The following RAD9B variants were observed in gnomAD, a reference collection of about 807,000 sequenced individuals.
The protein encoded by RAD9B is cell cycle checkpoint control protein RAD9B.
In RAD9B, 41 loss-of-function variants were observed where a neutral mutation model predicts 48.3. The ratio of observed to expected loss-of-function variants is 0.85; its 90% confidence interval spans 0.66 to 1.10. The LOEUF is 1.10. RAD9B is among the 50% of genes least tolerant of loss of function. RAD9B has a pLI of 0.00. For missense variants in RAD9B, 444 were observed against 485.1 expected (o/e 0.92, Z 0.80); for synonymous variants, 160 against 157.9 (o/e 1.01, Z -0.10).
Position 110,532,924 on chromosome 12 carries a change from C to G in RAD9B, c.*2271C>G, listed in dbSNP as rs2064175457. Among the ~76,000 whole-genome samples, 1 of 152,202 alleles carries G rather than the reference C, an allele frequency of 6.6e-6. No homozygotes were observed. The highest frequency in any genetic ancestry group is 1.5e-5 in the Non-Finnish European group (1 of 68,042). ...ATGAAATTGCTAAGGATGCATCTGT[C>G]AGAACATCTCTGTTAAACAACACGA... On this transcript the variant is annotated 3_prime_UTR_variant, in exon 11 of 11. Transcript: ENST00000409300.
In RAD9B at chr12:110,522,299, T is replaced by C; in HGVS notation, c.1013T>C (p.Leu338Ser). The change falls in exon 10 of 11, where the codon TTG (leucine) becomes TCG (serine). Residue 338 changes from leucine (L) to serine (S), a missense_variant. Leu to Ser is a moderately radical substitution (Grantham distance 145). Coordinates refer to ENST00000409300, the MANE Select transcript of RAD9B (RefSeq NM_001286535.2). ...GAGACTCTCACAAACATATCTGCATTGGAAAACTGTGGCAGCCCTGCAATG... is the reference window on the plus strand; with the variant it reads ...GAGACTCTCACAAACATATCTGCATCGGAAAACTGTGGCAGCCCTGCAATG... ...PKETLTNISALENCGSPAMKR... is the reference protein window; with the variant it reads ...PKETLTNISASENCGSPAMKR... 1 of 1,613,602 alleles carries C rather than the reference T, an allele frequency of 6.2e-7. No individual in the cohort carries two copies. Among genetic ancestry groups the C allele is most frequent in the Non-Finnish European group, 8.5e-7 (1 of 1,179,768 alleles).
chr12:110,522,626 T>C (rs548003500), intron 10 of RAD9B, among the ~76,000 whole-genome samples: 61 of 152,304 alleles, frequency 4.0e-4, no homozygotes, highest in African/African-American at 1.2e-3. Context: ...ATAGTTAAAT[T>C]GTTCAGTCAG....
chr12:110,529,796 C>T (rs529878736), intron 10 of RAD9B, among the ~76,000 whole-genome samples: 2 of 152,260 alleles, frequency 1.3e-5, no homozygotes, highest in South Asian at 4.1e-4. Context: ...TGCTAACATT[C>T]CCAGGGTGCT....
intron 10 of RAD9B, among the ~76,000 whole-genome samples, chr12:110,525,979 T>A (rs2063924888): frequency 6.6e-6 from 1 of 151,886 alleles, no homozygotes; most frequent in African/African-American, 2.4e-5. Context: ...CGTGAGCCAC[T>A]GCACCTGGCC....
chr12:110,503,786 A>G lies in RAD9B; in HGVS notation c.47-20A>G. The G allele has an allele frequency of 1.3e-6, 2 of 1,572,644 alleles. No individual in the cohort carries two copies. The highest frequency in any genetic ancestry group is 1.7e-6 in the Non-Finnish European group (2 of 1,146,532). Reference sequence around the variant, plus strand: ...GTTAGAGGGAAAGAATATAAGCATCACCTTTCTTTTTCTCCATAGTATTTG... The same window carrying G: ...GTTAGAGGGAAAGAATATAAGCATCGCCTTTCTTTTTCTCCATAGTATTTG... On this transcript the variant is annotated intron_variant, in intron 1 of 10. Coordinates refer to ENST00000409300, the MANE Select transcript of RAD9B (RefSeq NM_001286535.2).
intron 10 of RAD9B, among the ~76,000 whole-genome samples, chr12:110,524,671 G>T (rs972139219): frequency 2.0e-5 from 3 of 151,998 alleles, no homozygotes; most frequent in Admixed American, 6.6e-5. Flanking sequence ...GGAGGCCGAG[G>T]TGGGCAGATC....
At chr12:110,516,671 G>A (rs766605498) in intron 6 of RAD9B, among the ~76,000 whole-genome samples, 63 of 152,108 alleles carry the variant, frequency 4.1e-4, no homozygotes, top group Non-Finnish European at 5.0e-4. Context: ...TTAGTGGGGC[G>A]TGGTGGTGTG....
chr12:110,517,751 GACACACACACACACACAC>G (rs34935245), intron 6 of RAD9B, among the ~76,000 whole-genome samples: 2 of 141,520 alleles, frequency 1.4e-5, no homozygotes, highest in East Asian at 4.2e-4. Context: ...ACAAAACATT[GACACACACACACACACAC>G]ACACACACAC....
intron 2 of RAD9B, among the ~76,000 whole-genome samples, chr12:110,504,220 G>C (rs2063192840): frequency 6.6e-6 from 1 of 151,482 alleles, no homozygotes; most frequent in East Asian, 1.9e-4. Flanking sequence ...TGTAATCCCA[G>C]CACTTTGGGA....
chr12:110,514,411 C>T (rs1432936153), intron 5 of RAD9B, among the ~76,000 whole-genome samples: 1 of 152,102 alleles, frequency 6.6e-6, no homozygotes, highest in Non-Finnish European at 1.5e-5. Context: ...TATCAGTAAG[C>T]ACCTGAAAAG....
At chr12:110,512,144 CTT>C (rs777973965) in intron 4 of RAD9B, among the ~76,000 whole-genome samples, 1 of 141,064 alleles carries the variant, frequency 7.1e-6, no homozygotes, top group Non-Finnish European at 1.6e-5. Flanking sequence ...CGTGCCTGGC[CTT>C]TTTTTTTTTT....
chr12:110,520,628 CTT>C (rs71083129), intron 9 of RAD9B, among the ~76,000 whole-genome samples: 10 of 99,974 alleles, frequency 1.0e-4, no homozygotes, highest in Non-Finnish European at 1.3e-4. Context: ...TTCTTGCTTT[CTT>C]TTTTTTTTTT....
chr12:110,521,244 C>T (rs909539751), intron 9 of RAD9B, among the ~76,000 whole-genome samples: 4 of 152,146 alleles, frequency 2.6e-5, no homozygotes, highest in African/African-American at 9.7e-5. Flanking sequence ...ATAGTCTCAA[C>T]CTCCCAGGCT....
Position 110,503,826 on chromosome 12 carries a change from G to T in RAD9B, c.67G>T (p.Ala23Ser), listed in dbSNP as rs974870502. ...CATAGTATTTGGGAAAGCAGTTCAA[G>T]CTCTATCACGAATTAGTGACGAGTT... ...QVKVFGKAVQALSRISDEFWL... is the reference protein window; with the variant it reads ...QVKVFGKAVQSLSRISDEFWL... Residue 23 changes from alanine to serine, a missense_variant, in exon 2 of 11, where the codon GCT (alanine) becomes TCT (serine). Transcript: ENST00000409300. 3.7e-6 allele frequency: 6 copies of T among 1,606,562 alleles called. No individual in the cohort carries two copies. Among genetic ancestry groups the T allele is most frequent in the Non-Finnish European group, 5.1e-6 (6 of 1,176,824 alleles).
chr12:110,518,978 T>C, intron 8 of RAD9B, 40 bp downstream of exon 8: 1 of 1,323,308 alleles, frequency 7.6e-7, no homozygotes, highest in Non-Finnish European at 1.0e-6. Context: ...TTTCTTTTGT[T>C]TTATATCAAT....
chr12:110,505,797 C>A, intron 3 of RAD9B, 25 bp downstream of exon 3: 1 of 1,594,794 alleles, frequency 6.3e-7, no homozygotes. Flanking sequence ...CCCTGGTTTT[C>A]TCTTATTCTG....
chr12:110,503,829 CTA>C lies in RAD9B; in HGVS notation c.72_73del (p.Ser25ThrfsTer3). 6.2e-7 allele frequency: 1 copy of C among 1,606,250 alleles called. No homozygotes were observed. The highest frequency in any genetic ancestry group is 8.5e-7 in the Non-Finnish European group (1 of 1,176,720). On this transcript the variant is annotated frameshift_variant, in exon 2 of 11. Coordinates refer to ENST00000409300, the MANE Select transcript of RAD9B (RefSeq NM_001286535.2). LOFTEE classifies it high-confidence loss of function. ...AGTATTTGGGAAAGCAGTTCAAGCT[CTA>C]TCACGAATTAGTGACGAGTTCTGGC... ...VKVFGKAVQA[L>X]SRISDEFWLD...
At chr12:110,502,505 C>G in intron 1 of RAD9B, 122 bp downstream of exon 1, 4 of 1,110,906 alleles carry the variant, frequency 3.6e-6, no homozygotes, top group Non-Finnish European at 5.3e-6. Flanking sequence ...GACGCACGCC[C>G]TGGCCACAGC....
chr12:110,519,004 A>G (rs2063693811), intron 8 of RAD9B, 66 bp downstream of exon 8: 1 of 1,103,740 alleles, frequency 9.1e-7, no homozygotes, highest in Non-Finnish European at 1.3e-6. Flanking sequence ...AACCTTTTGG[A>G]TCACTTTGAA....
Sources: allele counts gnomAD v4.1 joint callset (sites outside exome capture counted in the v4.1 genomes callset), GRCh38; gene constraint gnomAD v4.1.1; transcripts MANE v1.5; gene names NCBI Gene and HGNC (gene_info 2026-07-23, HGNC 2026-07-21).